Variants in RBM20 observed in about 807,000 individuals in gnomAD.
RBM20 encodes the protein RNA binding motif protein 20.
RBM20 carries 51 observed loss-of-function variants against 110.1 expected under a neutral mutation model. That is an observed-to-expected ratio of 0.46 (90% confidence interval 0.37 to 0.59). The LOEUF is 0.59. RBM20 is among the 20% of genes least tolerant of loss of function. The probability of loss-of-function intolerance (pLI) is 0.00; values close to 1 mark genes in which losing one functional copy is unlikely to be tolerated. For synonymous variants in RBM20, 589 were observed against 618.2 expected, an observed-to-expected ratio of 0.95 and a Z score of 0.70; for missense variants, 1,512 against 1,574.9, an observed-to-expected ratio of 0.96 and a Z score of 0.68.
At chr10:110,766,267 C>T (rs1844080938) in intron 1 of RBM20, among the ~76,000 whole-genome samples, 1 of 151,862 alleles carries the variant, frequency 6.6e-6, no homozygotes, top group Non-Finnish European at 1.5e-5. Context: ...GCCTGTGTAT[C>T]TAACCGTTGT....
chr10:110,650,901 G>C (rs11195253), intron 1 of RBM20, among the ~76,000 whole-genome samples: 57,453 of 152,008 alleles, frequency 0.38, 12,435 homozygotes, highest in East Asian at 0.59. Flanking sequence ...GGTTTATTTT[G>C]AATTAATTAT....
chr10:110,724,480 G>T (rs1005238270), intron 1 of RBM20, among the ~76,000 whole-genome samples: 1 of 152,190 alleles, frequency 6.6e-6, no homozygotes, highest in Admixed American at 6.5e-5. Context: ...GCTTCGTCAA[G>T]ATTTTCTCAG....
intron 1 of RBM20, among the ~76,000 whole-genome samples, chr10:110,721,855 A>G (rs1024606400): frequency 6.6e-6 from 1 of 152,168 alleles, no homozygotes; most frequent in African/African-American, 2.4e-5. Flanking sequence ...AGCCCGGAGC[A>G]TGTGCATGCA....
intron 1 of RBM20, among the ~76,000 whole-genome samples, chr10:110,718,590 A>G (rs980050039): frequency 6.0e-5 from 8 of 133,122 alleles, no homozygotes; most frequent in Non-Finnish European, 1.3e-4. Context: ...ATGTTAATAC[A>G]TATAATTCTA....
chr10:110,701,464 C>T (rs1310995751), intron 1 of RBM20, among the ~76,000 whole-genome samples: 1 of 152,162 alleles, frequency 6.6e-6, no homozygotes, highest in Non-Finnish European at 1.5e-5. Context: ...ATCATTTACC[C>T]CGTGTATGAG....
intron 1 of RBM20, among the ~76,000 whole-genome samples, chr10:110,724,042 G>T (rs766975931): frequency 6.6e-6 from 1 of 152,110 alleles, no homozygotes; most frequent in Non-Finnish European, 1.5e-5. Flanking sequence ...GCTCAGAAAG[G>T]TTACATTACT....
At chr10:110,818,314 C>T (rs1175322819) in intron 9 of RBM20, among the ~76,000 whole-genome samples, 4 of 102,300 alleles carry the variant, frequency 3.9e-5, no homozygotes, top group East Asian at 3.7e-4. Context: ...AAAACCAAAA[C>T]GACAATATGG....
At chr10:110,692,050 T>C (rs899439132) in intron 1 of RBM20, among the ~76,000 whole-genome samples, 1 of 152,182 alleles carries the variant, frequency 6.6e-6, no homozygotes, top group African/African-American at 2.4e-5. Context: ...TGAATGGCCT[T>C]GGTACACCTG....
At chr10:110,793,582 C>A (rs1844511024) in intron 5 of RBM20, among the ~76,000 whole-genome samples, 1 of 152,194 alleles carries the variant, frequency 6.6e-6, no homozygotes, top group African/African-American at 2.4e-5. Flanking sequence ...GGGCAGAAAA[C>A]TGAAGCCAGA....
chr10:110,716,208 G>T (rs923730468), intron 1 of RBM20, among the ~76,000 whole-genome samples: 4 of 152,186 alleles, frequency 2.6e-5, no homozygotes, highest in Non-Finnish European at 5.9e-5. Context: ...AGAATGGTAG[G>T]TGCGTAATTA....
chr10:110,720,836 C>T (rs1046257689), intron 1 of RBM20, among the ~76,000 whole-genome samples: 2 of 152,242 alleles, frequency 1.3e-5, no homozygotes, highest in Non-Finnish European at 2.9e-5. Flanking sequence ...ACTCAAAACC[C>T]TCCAGACCCT....
At chr10:110,790,586 A>G (rs944467916) in intron 5 of RBM20, among the ~76,000 whole-genome samples, 1 of 152,248 alleles carries the variant, frequency 6.6e-6, no homozygotes, top group Non-Finnish European at 1.5e-5. Flanking sequence ...TAGCTAGTGT[A>G]TGTGTACATG....
At chr10:110,744,857 T>C (rs1437901311) in intron 1 of RBM20, among the ~76,000 whole-genome samples, 1 of 152,236 alleles carries the variant, frequency 6.6e-6, no homozygotes, top group African/African-American at 2.4e-5. Flanking sequence ...GCTTGGCTCA[T>C]GGTGAAACAT....
At chr10:110,790,274 A>T (rs1175971916) in intron 5 of RBM20, among the ~76,000 whole-genome samples, 1 of 152,168 alleles carries the variant, frequency 6.6e-6, no homozygotes, top group African/African-American at 2.4e-5. Context: ...GAGCATGAGG[A>T]CTAGTAATTG....
chr10:110,644,665 C>G lies in RBM20; in HGVS notation c.191+20C>G. 1 of 1,466,136 alleles carries G rather than the reference C, an allele frequency of 6.8e-7. No individual in the cohort carries two copies. The highest frequency in any genetic ancestry group is 2.0e-4 in the Middle Eastern group (1 of 5,086). The allele number at this position is 1,466,136 out of a possible 1,614,324, so 90.8% of individuals were successfully genotyped here. On this transcript the variant is annotated intron_variant, in intron 1 of 13. Coordinates refer to ENST00000369519, the MANE Select transcript of RBM20 (RefSeq NM_001134363.3). This position sits in a 1 kb window ranked among gnomAD's most constrained non-coding sequence, Gnocchi z 4.3. ...CCAAAAGTAAGAAGGGAGAAGGGAA[C>G]AGGGACCACGGGTGCGCCTGGGGAC...
Position 110,799,849 on chromosome 10 carries a change from A to G in RBM20, c.1731A>G (p.Lys577=), listed in dbSNP as rs1590687248. 4 of 1,552,032 alleles carry G rather than the reference A, an allele frequency of 2.6e-6. No individual in the cohort carries two copies. Among genetic ancestry groups the G allele is most frequent in the East Asian group, 2.4e-5 (1 of 40,926 alleles). The change falls in exon 7 of 14, where the codon AAA becomes AAG. Residue 577 remains lysine (K), a synonymous_variant. Coordinates refer to ENST00000369519, the MANE Select transcript of RBM20 (RefSeq NM_001134363.3). ...AQAMVQYYQE[K]SAVINGEKLL... ...CCATGGTCCAGTATTATCAAGAAAA[A>G]TCTGCTGTGATCAATGGTGAGAAGT...
chr10:110,824,882 T>G (rs77641386), intron 12 of RBM20, among the ~76,000 whole-genome samples: 3,075 of 152,268 alleles, frequency 0.02, 100 homozygotes, highest in African/African-American at 0.071. Context: ...ATCTGATGCC[T>G]GATGACCACG....
intron 1 of RBM20, among the ~76,000 whole-genome samples, chr10:110,699,587 A>G (rs1158925378): frequency 6.6e-6 from 1 of 152,038 alleles, no homozygotes; most frequent in African/African-American, 2.4e-5. Flanking sequence ...AAAAAACAAA[A>G]CAACAACAAA....
In RBM20 at chr10:110,780,981, C is replaced by T; in HGVS notation, c.372C>T (p.Leu124=). Residue 124 remains leucine (L), a synonymous_variant, in exon 2 of 14, where the codon CTC becomes CTT. Coordinates refer to ENST00000369519, the MANE Select transcript of RBM20 (RefSeq NM_001134363.3). The stretch of plus-strand genomic sequence containing the variant: ...CCGCCACAGTCCTGAACCAAGTCCT[C>T]TCCAAAGTGGCCATGTCCCAGCCTC... ...TAAATVLNQV[L]SKVAMSQPLF... is the part of the protein sequence containing the mutation. 1 of 1,551,778 alleles carries T rather than the reference C, an allele frequency of 6.4e-7. No homozygotes were observed. The highest frequency in any genetic ancestry group is 1.2e-5 in the South Asian group (1 of 84,058).
Sources: allele counts gnomAD v4.1 joint callset (sites outside exome capture counted in the v4.1 genomes callset), GRCh38; gene constraint gnomAD v4.1.1; non-coding constraint Gnocchi (gnomAD v3.1); transcripts MANE v1.5; gene names NCBI Gene and HGNC (gene_info 2026-07-23, HGNC 2026-07-21).